Variants in PEX5L observed in about 807,000 individuals in gnomAD.
PEX5L encodes PEX5-related protein.
PEX5L carries 30 observed loss-of-function variants against 84.0 expected under a neutral mutation model. The observed-to-expected ratio is 0.36, with a 90% CI of 0.27 to 0.48. PEX5L has a LOEUF of 0.48. PEX5L is among the 20% of genes least tolerant of loss of function. The pLI is 0.99. For synonymous variants in PEX5L, 270 were observed against 283.1 expected (o/e 0.95, Z 0.46); for missense variants, 533 against 754.6 (o/e 0.71, Z 3.44).
At chr3:179,956,905 T>C (rs1780716810) in intron 2 of PEX5L, among the ~76,000 whole-genome samples, 1 of 152,280 alleles carries the variant, frequency 6.6e-6, no homozygotes, top group African/African-American at 2.4e-5. Flanking sequence ...GTACATGATT[T>C]TTTTTTGCAA....
At chr3:179,987,405 G>A (rs1307833900) in intron 1 of PEX5L, among the ~76,000 whole-genome samples, 3 of 152,048 alleles carry the variant, frequency 2.0e-5, no homozygotes, top group Non-Finnish European at 4.4e-5. Flanking sequence ...CACTAAAGAT[G>A]GCTCAGAAAC....
At chr3:179,832,484 T>C (rs1466415760) in intron 8 of PEX5L, among the ~76,000 whole-genome samples, 40 of 119,808 alleles carry the variant, frequency 3.3e-4, no homozygotes, top group East Asian at 5.4e-4. Context: ...ACCCACCAAA[T>C]TTCCTACTTA....
At chr3:179,905,472 A>G (rs1762856116) in intron 2 of PEX5L, among the ~76,000 whole-genome samples, 1 of 151,738 alleles carries the variant, frequency 6.6e-6, no homozygotes, top group Non-Finnish European at 1.5e-5. Context: ...ACGGGGTTTC[A>G]CCGTGTTAGC....
intron 1 of PEX5L, among the ~76,000 whole-genome samples, chr3:179,994,398 G>A (rs1787664222): frequency 6.6e-6 from 1 of 152,160 alleles, no homozygotes; most frequent in Admixed American, 6.5e-5. Flanking sequence ...AAATCTTCTA[G>A]CAAAGTGCTC....
intron 2 of PEX5L, among the ~76,000 whole-genome samples, chr3:179,966,857 A>C (rs1022703115): frequency 6.6e-6 from 1 of 152,214 alleles, no homozygotes; most frequent in Admixed American, 6.5e-5. Flanking sequence ...GCTGTAAGCT[A>C]AGATGAGTAT....
intron 2 of PEX5L, among the ~76,000 whole-genome samples, chr3:179,924,433 C>T (rs9836757): frequency 0.33 from 50,056 of 151,914 alleles, 8,444 homozygotes; most frequent in African/African-American, 0.35. Context: ...AATGAATAAA[C>T]GAGAGAAAGC....
intron 2 of PEX5L, among the ~76,000 whole-genome samples, chr3:179,902,475 A>C (rs919602331): frequency 3.9e-5 from 6 of 152,148 alleles, no homozygotes; most frequent in Non-Finnish European, 8.8e-5. Flanking sequence ...CAATAACTTC[A>C]CTCACAAGCA....
At chr3:179,817,630 G>C (rs182192896) in intron 9 of PEX5L, among the ~76,000 whole-genome samples, 41 of 152,308 alleles carry the variant, frequency 2.7e-4, no homozygotes, top group Admixed American at 1.1e-3. Flanking sequence ...TGAAGTATCT[G>C]AGAGATGTTA....
At position 179,819,925 on chromosome 3, in the gene PEX5L, G is replaced by A. The variant is rs28682295; in HGVS notation, c.874C>T (p.Arg292Trp). 15 of 1,613,754 alleles carry A rather than the reference G, an allele frequency of 9.3e-6. No homozygotes were observed. The highest frequency in any genetic ancestry group is 5.0e-5 in the Admixed American group (3 of 60,000). Residue 292 changes from arginine to tryptophan, a missense_variant, in exon 9 of 15, where the codon CGG becomes TGG. This residue lies in a region of PEX5L where 58 missense variants were observed against 56.4 expected (regional missense o/e 1.03). Transcript: ENST00000467460. ...TGGTTCTCAGATATCCAGTTCCTCC[G>A]AGCCATTTCTTCCCATTCTGCTTGC... ...KMQAEWEEMA[R>W]RNWISENQEA...
intron 1 of PEX5L, among the ~76,000 whole-genome samples, chr3:179,979,789 C>T (rs1392095089): frequency 6.6e-6 from 1 of 152,144 alleles, no homozygotes; most frequent in East Asian, 1.9e-4. Context: ...TCCCCGTTGA[C>T]ACATTATTTT....
intron 8 of PEX5L, among the ~76,000 whole-genome samples, chr3:179,842,722 C>T (rs1289466186): frequency 6.6e-6 from 1 of 152,004 alleles, no homozygotes; most frequent in African/African-American, 2.4e-5. Flanking sequence ...AAGGAAAGCA[C>T]CATCAACAGC....
chr3:179,882,725 T>A (rs367899111), intron 4 of PEX5L, among the ~76,000 whole-genome samples: 20 of 152,212 alleles, frequency 1.3e-4, no homozygotes, highest in Admixed American at 1.2e-3. Context: ...GCTGATTTCT[T>A]AAATCCTATT....
chr3:179,838,632 T>C (rs1417819767), intron 8 of PEX5L, among the ~76,000 whole-genome samples: 1 of 152,186 alleles, frequency 6.6e-6, no homozygotes, highest in Non-Finnish European at 1.5e-5. Context: ...ATCTTGACTG[T>C]TGTCTAACTA....
At chr3:179,976,635 G>T (rs553277269) in intron 1 of PEX5L, among the ~76,000 whole-genome samples, 2 of 152,130 alleles carry the variant, frequency 1.3e-5, no homozygotes, top group East Asian at 3.9e-4. Context: ...ACGGGGTTTT[G>T]CCATGTTGGC....
chr3:179,809,271 A>G (rs1421304304), intron 12 of PEX5L, among the ~76,000 whole-genome samples, 200 bp downstream of exon 12: 2 of 152,074 alleles, frequency 1.3e-5, no homozygotes, highest in Non-Finnish European at 2.9e-5. Flanking sequence ...AGTGCCCACA[A>G]TGTAGATCAT....
chr3:180,013,104 T>G (rs1000160580), intron 1 of PEX5L, among the ~76,000 whole-genome samples: 1 of 152,224 alleles, frequency 6.6e-6, no homozygotes. Flanking sequence ...AGTTTTGCTG[T>G]CTTGGGTAAA....
intron 5 of PEX5L, among the ~76,000 whole-genome samples, chr3:179,878,583 G>A (rs1247488055): frequency 1.3e-5 from 2 of 152,130 alleles, no homozygotes; most frequent in Non-Finnish European, 2.9e-5. Flanking sequence ...ATCTTTCCAT[G>A]TTTATCTATT....
chr3:179,900,191 C>T (rs952237238), intron 2 of PEX5L, among the ~76,000 whole-genome samples: 5 of 152,112 alleles, frequency 3.3e-5, no homozygotes, highest in African/African-American at 1.2e-4. Flanking sequence ...ATTTTTGCAG[C>T]TTACGTTTTT....
intron 8 of PEX5L, among the ~76,000 whole-genome samples, chr3:179,821,932 A>G (rs938482366): frequency 3.3e-5 from 5 of 152,200 alleles, no homozygotes; most frequent in Non-Finnish European, 7.3e-5. Context: ...TGAATTTTCT[A>G]TGATGAGCAT....
Sources: gnomAD v4.1 joint callset for allele counts (sites outside exome capture counted in the v4.1 genomes callset) on GRCh38, gnomAD v4.1.1 for gene constraint, gnomAD v4.1.1 regional missense constraint, MANE v1.5 for transcripts, NCBI Gene and HGNC (gene_info 2026-07-23, HGNC 2026-07-21) for gene names.